Variants in PLEKHB2 observed in about 807,000 individuals in gnomAD.
The protein encoded by PLEKHB2 is pleckstrin homology domain-containing family B member 2.
PLEKHB2 carries 31 observed loss-of-function variants against 36.5 expected under a neutral mutation model. The ratio of observed to expected loss-of-function variants is 0.85; its 90% CI spans 0.64 to 1.15. PLEKHB2 has a LOEUF of 1.15. Among genes scored for constraint, PLEKHB2 ranks in the 50% most tolerant of loss-of-function variants. The pLI, the probability that PLEKHB2 is intolerant of heterozygous loss-of-function variation, is 0.00. For synonymous variants in PLEKHB2, 119 were observed against 112.0 expected (o/e 1.06, Z -0.39); for missense variants, 262 against 295.3 (o/e 0.89, Z 0.83).
At chr2:131,107,070 C>A (rs1694814963) in intron 1 of PLEKHB2, among the ~76,000 whole-genome samples, 1 of 152,214 alleles carries the variant, frequency 6.6e-6, no homozygotes, top group Admixed American at 6.5e-5. Context: ...TTTCTGAAAG[C>A]TTTGCTTATG....
intron 7 of PLEKHB2, among the ~76,000 whole-genome samples, chr2:131,146,214 G>A (rs906597253): frequency 1.3e-5 from 2 of 152,030 alleles, no homozygotes; most frequent in African/African-American, 4.8e-5. Context: ...GCAGATTTAA[G>A]GCTTAATTTA....
intron 1 of PLEKHB2, among the ~76,000 whole-genome samples, chr2:131,105,731 C>T (rs1372094252): frequency 1.3e-5 from 2 of 152,194 alleles, no homozygotes; most frequent in African/African-American, 4.8e-5. Context: ...TCCCCGAGCC[C>T]CTCCTCTCCG....
chr2:131,149,698 C>A lies in PLEKHB2; in HGVS notation c.*2925C>A, dbSNP rs974738545. ...ATACAAGGCATGGAATGCAGTTCCA[C>A]TTTCTCCCCAGAGTTGATCTTTTTG... On this transcript the variant is annotated 3_prime_UTR_variant, in exon 8 of 8. Transcript: ENST00000693505. 2 of 152,246 alleles carry A rather than the reference C, an allele frequency of 1.3e-5. No individual in the cohort carries two copies. Among genetic ancestry groups the A allele is most frequent in the African/African-American group, 4.8e-5 (2 of 41,470 alleles). 9.4% of individuals were successfully genotyped at this position (152,246 alleles called of 1,614,324 possible).
intron 7 of PLEKHB2, among the ~76,000 whole-genome samples, chr2:131,141,639 C>CAAAAAAAAA (rs771541896): frequency 1.8e-5 from 1 of 57,130 alleles, no homozygotes. Context: ...GACTCCGTCT[C>CAAAAAAAAA]AAAAAAAAAA....
intron 1 of PLEKHB2, chr2:131,119,087 T>A (rs1291475880): frequency 1.3e-5 from 2 of 150,448 alleles, no homozygotes; most frequent in Non-Finnish European, 3.0e-5. Flanking sequence ...AAACCCCGTC[T>A]TTGCTAAAAA....
chr2:131,120,824 C>T, intron 1 of PLEKHB2, 110 bp from the exon 2 acceptor site: 1 of 1,097,232 alleles, frequency 9.1e-7, no homozygotes, highest in East Asian at 2.4e-5. Flanking sequence ...CTAAAATGGC[C>T]TTGGGCCCTT....
chr2:131,120,578 C>T lies in PLEKHB2; in HGVS notation c.-8-356C>T, dbSNP rs759477522. Reference sequence around the variant, plus strand: ...TGGGCCATGTGGACCCCACTGGGAACGCCAAATGTAGGCACCTCAGGGCTC... The same window carrying T: ...TGGGCCATGTGGACCCCACTGGGAATGCCAAATGTAGGCACCTCAGGGCTC... On this transcript the variant is annotated intron_variant, in intron 1 of 7. Transcript: ENST00000693505. The T allele has an allele frequency of 4.4e-5, 15 of 339,778 alleles. No homozygotes were observed. The East Asian group carries it at 8.0e-4, about 18-fold the overall frequency. 21.0% of individuals were successfully genotyped at this position (339,778 alleles called of 1,614,324 possible). A position where few individuals can be genotyped will look rare whatever the true frequency, so the allele number is the denominator to read the frequency against.
At chr2:131,124,802 T>C (rs76574449) in intron 2 of PLEKHB2, among the ~76,000 whole-genome samples, 1 of 151,866 alleles carries the variant, frequency 6.6e-6, no homozygotes, top group African/African-American at 2.4e-5. Context: ...TTTTTTTTTT[T>C]GGAGACGGAG....
intron 1 of PLEKHB2, among the ~76,000 whole-genome samples, chr2:131,114,522 T>C (rs1285753738): frequency 6.6e-6 from 1 of 152,164 alleles, no homozygotes; most frequent in Non-Finnish European, 1.5e-5. Context: ...CCCCAGAAAA[T>C]GGGTTTTTCT....
chr2:131,130,664 C>T, intron 4 of PLEKHB2, 57 bp from the exon 5 acceptor site: 1 of 1,280,542 alleles, frequency 7.8e-7, no homozygotes, highest in Non-Finnish European at 1.1e-6. Context: ...GCCCAGGTTT[C>T]AGAATCATTG....
At chr2:131,143,731 T>A (rs1192297435) in intron 7 of PLEKHB2, among the ~76,000 whole-genome samples, 1 of 152,204 alleles carries the variant, frequency 6.6e-6, no homozygotes, top group Non-Finnish European at 1.5e-5. Flanking sequence ...CACATTTTTC[T>A]GTTGGGATCC....
chr2:131,111,776 C>T (rs1368874890), intron 1 of PLEKHB2, among the ~76,000 whole-genome samples: 2 of 152,142 alleles, frequency 1.3e-5, no homozygotes, highest in African/African-American at 4.8e-5. Flanking sequence ...TAGGCGTGAG[C>T]CACTGTGGCC....
intron 2 of PLEKHB2, among the ~76,000 whole-genome samples, chr2:131,125,443 A>G (rs1696993100): frequency 6.6e-6 from 1 of 152,142 alleles, no homozygotes; most frequent in Admixed American, 6.5e-5. Flanking sequence ...GTAATTCTAT[A>G]CAGGTGTAAT....
Position 131,124,790 on chromosome 2 carries a change from CT to C in PLEKHB2, c.38-951del, listed in dbSNP as rs761840735. Among the ~76,000 whole-genome samples, 366 of 144,370 alleles carry C rather than the reference CT, an allele frequency of 2.5e-3. 1 individual carries two copies. The highest frequency in any genetic ancestry group is 4.2e-3 in the African/African-American group (166 of 39,792). 94.7% of individuals were successfully genotyped at this position (144,370 alleles called of 152,430 possible). On this transcript the variant is annotated intron_variant, in intron 2 of 7. Coordinates refer to ENST00000693505, the MANE Select transcript of PLEKHB2 (RefSeq NM_001100623.2). ...GACAAAGAAAAAAAACGTGTTTTTT[CT>C]TTTTTTTTTTTGGAGACGGAGTGTT...
At position 131,126,554 on chromosome 2, in the gene PLEKHB2, G is replaced by A. The variant is rs980044361; in HGVS notation, c.191-130G>A. 8 of 664,086 alleles carry A rather than the reference G, an allele frequency of 1.2e-5. No homozygotes were observed. The East Asian group carries it at 2.2e-4, about 18-fold the overall frequency. The allele number at this position is 664,086 out of a possible 1,614,324, so 41.1% of individuals were successfully genotyped here. On this transcript the variant is annotated intron_variant, in intron 3 of 7. Transcript: ENST00000693505. ...ATGTTCTTTCTGCATTCTTGGAAAG[G>A]CAGAGGGTTCTTTCATAGATGTAGC...
intron 7 of PLEKHB2, among the ~76,000 whole-genome samples, chr2:131,143,317 G>C (rs187626577): frequency 6.8e-4 from 103 of 152,236 alleles, no homozygotes; most frequent in African/African-American, 2.3e-3. Flanking sequence ...TTTGGGATAT[G>C]ATTTAAAAAT....
intron 1 of PLEKHB2, among the ~76,000 whole-genome samples, chr2:131,118,650 G>A (rs1696124585): frequency 6.6e-6 from 1 of 151,856 alleles, no homozygotes; most frequent in Non-Finnish European, 1.5e-5. Context: ...CATATCACGA[G>A]GTCAGGAGAT....
chr2:131,130,375 T>C (rs1292419819), intron 4 of PLEKHB2, among the ~76,000 whole-genome samples: 5 of 152,170 alleles, frequency 3.3e-5, no homozygotes, highest in Non-Finnish European at 7.4e-5. Flanking sequence ...GAAAAATTGC[T>C]AATCTAAATT....
At chr2:131,137,385 G>C (rs552059552) in intron 6 of PLEKHB2, among the ~76,000 whole-genome samples, 28 of 152,332 alleles carry the variant, frequency 1.8e-4, no homozygotes, top group African/African-American at 5.1e-4. Context: ...CCTCCTCCCT[G>C]TATCCTCACA....
Sources: allele counts gnomAD v4.1 joint callset (sites outside exome capture counted in the v4.1 genomes callset), GRCh38; gene constraint gnomAD v4.1.1; transcripts MANE v1.5; gene names NCBI Gene and HGNC (gene_info 2026-07-23, HGNC 2026-07-21).